Variants in NEGR1 observed in about 807,000 individuals in gnomAD.
NEGR1 encodes neuronal growth regulator 1.
NEGR1 carries 10 observed loss-of-function variants against 40.9 expected under a neutral mutation model. The ratio of observed to expected loss-of-function variants is 0.24; its 90% CI spans 0.15 to 0.42. The LOEUF (loss-of-function observed/expected upper bound fraction) is 0.42, where lower values mean the gene tolerates loss of function less well. Among genes scored for constraint, NEGR1 ranks in the 10% least tolerant of loss-of-function variants. The pLI, the probability that NEGR1 is intolerant of heterozygous loss-of-function variation, is 1.00. For missense variants in NEGR1, 352 were observed against 438.9 expected (o/e 0.80, Z 1.77); for synonymous variants, 185 against 166.8 (o/e 1.11, Z -0.84).
intron 4 of NEGR1, among the ~76,000 whole-genome samples, chr1:71,635,057 G>T (rs998853021): frequency 2.6e-5 from 4 of 152,038 alleles, no homozygotes; most frequent in Non-Finnish European, 4.4e-5. Context: ...CTGATTAAAT[G>T]GTAGAAGAGA....
At chr1:72,127,358 G>C (rs570555374) in intron 1 of NEGR1, among the ~76,000 whole-genome samples, 1 of 150,918 alleles carries the variant, frequency 6.6e-6, no homozygotes, top group East Asian at 2.0e-4. Flanking sequence ...CAGCTACCCA[G>C]GAGGCTGAGG....
intron 1 of NEGR1, among the ~76,000 whole-genome samples, chr1:72,271,358 C>T (rs569656954): frequency 4.6e-5 from 7 of 151,958 alleles, no homozygotes; most frequent in African/African-American, 1.7e-4. Flanking sequence ...GATTGAATAA[C>T]ATCATTTTGT....
intron 4 of NEGR1, among the ~76,000 whole-genome samples, chr1:71,626,067 G>A (rs912503349): frequency 3.3e-5 from 5 of 151,752 alleles, no homozygotes; most frequent in African/African-American, 1.2e-4. Flanking sequence ...GATCTGAGGT[G>A]GAACAGTCCC....
At chr1:71,813,020 G>T (rs887950976) in intron 2 of NEGR1, among the ~76,000 whole-genome samples, 1 of 152,006 alleles carries the variant, frequency 6.6e-6, no homozygotes, top group African/African-American at 2.4e-5. Context: ...CCTATGTCCC[G>T]AATTGTATTG....
At position 72,206,565 on chromosome 1, in the gene NEGR1, A is replaced by G. The variant is rs144446863; in HGVS notation, c.176+75754T>C. Reference sequence around the variant, plus strand: ...AACCTTGACATTGTACTTTGTTCTCACTCTATAAGGTGATTTTTTTCAGAA... The same window carrying G: ...AACCTTGACATTGTACTTTGTTCTCGCTCTATAAGGTGATTTTTTTCAGAA... On this transcript the variant is annotated intron_variant, in intron 1 of 6. Coordinates refer to ENST00000357731, the MANE Select transcript of NEGR1 (RefSeq NM_173808.3). Among the ~76,000 whole-genome samples, 719 of 131,280 alleles carry G rather than the reference A, an allele frequency of 5.5e-3. 7 individuals carry two copies. The highest frequency in any genetic ancestry group is 0.021 in the African/African-American group (693 of 33,090). 86.1% of individuals were successfully genotyped at this position (131,280 alleles called of 152,430 possible).
intron 2 of NEGR1, among the ~76,000 whole-genome samples, chr1:71,881,583 T>C (rs1158251558): frequency 6.6e-6 from 1 of 152,094 alleles, no homozygotes; most frequent in Non-Finnish European, 1.5e-5. Flanking sequence ...AAATAAAGAT[T>C]CTGCAAGGTA....
intron 6 of NEGR1, among the ~76,000 whole-genome samples, chr1:71,556,297 G>A (rs777662097): frequency 4.0e-5 from 6 of 151,434 alleles, no homozygotes; most frequent in Non-Finnish European, 8.9e-5. Context: ...TGCCTTACAT[G>A]TCTAAAACAA....
At position 72,162,415 on chromosome 1, in the gene NEGR1, G is replaced by A. The variant is rs72941212; in HGVS notation, c.176+119904C>T. 3.7e-3 allele frequency among the ~76,000 whole-genome samples: 556 copies of A among 152,204 alleles called. 5 individuals carry two copies. Among genetic ancestry groups the A allele is most frequent in the Non-Finnish European group, 6.4e-3 (434 of 68,010 alleles). On this transcript the variant is annotated intron_variant, in intron 1 of 6. Transcript: ENST00000357731. Reference sequence around the variant, plus strand: ...AGGCAGAGGTTGCAGTAAGCCAGCCGAGATCGTGCCACTGCACTCCAGCCT... The same window carrying A: ...AGGCAGAGGTTGCAGTAAGCCAGCCAAGATCGTGCCACTGCACTCCAGCCT...
At chr1:72,050,734 A>G (rs1173381229) in intron 1 of NEGR1, among the ~76,000 whole-genome samples, 1 of 151,478 alleles carries the variant, frequency 6.6e-6, no homozygotes. Flanking sequence ...TGTTTATAAT[A>G]GGATATTAAG....
chr1:71,841,283 T>G (rs1049169414), intron 2 of NEGR1, among the ~76,000 whole-genome samples: 5 of 152,154 alleles, frequency 3.3e-5, no homozygotes, highest in African/African-American at 9.7e-5. Context: ...TAAATCTATT[T>G]TATTTTCAGA....
chr1:72,217,455 C>T (rs1653860312), intron 1 of NEGR1, among the ~76,000 whole-genome samples: 1 of 151,472 alleles, frequency 6.6e-6, no homozygotes, highest in Non-Finnish European at 1.5e-5. Flanking sequence ...TAAGTAAGGA[C>T]TTTCTGAGAT....
At chr1:72,003,877 G>A (rs896524520) in intron 1 of NEGR1, among the ~76,000 whole-genome samples, 1 of 152,040 alleles carries the variant, frequency 6.6e-6, no homozygotes, top group Non-Finnish European at 1.5e-5. Flanking sequence ...GCATTGTACT[G>A]TTAACCCAGT....
Position 71,907,336 on chromosome 1 carries a change from T to C in NEGR1, c.409+27743A>G, listed in dbSNP as rs547126050. 2.6e-5 allele frequency among the ~76,000 whole-genome samples: 4 copies of C among 152,276 alleles called. No homozygotes were observed. In the East Asian group the frequency reaches 7.7e-4, roughly 29 times the overall value. ...CAAAAACACTGAATATAACTATTGTTGGAAACATCAAATAACTTATTTGGA... is the reference window on the plus strand; with the variant it reads ...CAAAAACACTGAATATAACTATTGTCGGAAACATCAAATAACTTATTTGGA... On this transcript the variant is annotated intron_variant, in intron 2 of 6. Transcript: ENST00000357731.
At chr1:72,248,444 G>A (rs1654972295) in intron 1 of NEGR1, among the ~76,000 whole-genome samples, 1 of 151,884 alleles carries the variant, frequency 6.6e-6, no homozygotes, top group Non-Finnish European at 1.5e-5. Flanking sequence ...TTTTAAGATA[G>A]ATGGGGTTTC....
At chr1:72,198,965 T>G (rs1396235262) in intron 1 of NEGR1, among the ~76,000 whole-genome samples, 1 of 152,018 alleles carries the variant, frequency 6.6e-6, no homozygotes, top group Non-Finnish European at 1.5e-5. Context: ...AATGTTAACA[T>G]CATATATCAC....
intron 3 of NEGR1, among the ~76,000 whole-genome samples, chr1:71,708,553 A>C (rs1653978257): frequency 6.6e-6 from 1 of 152,118 alleles, no homozygotes; most frequent in Non-Finnish European, 1.5e-5. Context: ...AGTTAGCCTA[A>C]ATGGAAGGAA....
intron 3 of NEGR1, among the ~76,000 whole-genome samples, chr1:71,710,480 T>C (rs1414024548): frequency 6.6e-6 from 1 of 152,168 alleles, no homozygotes; most frequent in African/African-American, 2.4e-5. Context: ...AAACTAAGTG[T>C]CCATCAACAG....
intron 6 of NEGR1, among the ~76,000 whole-genome samples, chr1:71,579,758 G>T (rs1399171688): frequency 2.0e-5 from 3 of 152,116 alleles, no homozygotes; most frequent in African/African-American, 7.2e-5. Context: ...TGATGTTAAT[G>T]TGTGGCTTAT....
At chr1:71,691,243 C>T (rs1051474049) in intron 4 of NEGR1, among the ~76,000 whole-genome samples, 1 of 151,860 alleles carries the variant, frequency 6.6e-6, no homozygotes, top group Non-Finnish European at 1.5e-5. Flanking sequence ...TGTTTAATAA[C>T]AGTATTACTT....
Sources: allele counts gnomAD v4.1 joint callset (sites outside exome capture counted in the v4.1 genomes callset), GRCh38; gene constraint gnomAD v4.1.1; transcripts MANE v1.5; gene names NCBI Gene and HGNC (gene_info 2026-07-23, HGNC 2026-07-21).